Variants in HSPD1 observed in about 807,000 individuals in gnomAD.
HSPD1 encodes heat shock protein family D (Hsp60) member 1.
In HSPD1, 3 loss-of-function variants were observed where a neutral mutation model predicts 53.0. That is an observed-to-expected ratio of 0.06 (90% CI 0.03 to 0.15). The LOEUF is 0.15. Ranked by LOEUF, HSPD1 falls within the 10% of genes least tolerant of loss-of-function variation. The pLI is 1.00. For missense variants in HSPD1, 431 were observed against 694.1 expected, an observed-to-expected ratio of 0.62 and a Z score of 4.26; for synonymous variants, 200 against 228.0, an observed-to-expected ratio of 0.88 and a Z score of 1.10.
chr2:197,494,521 C>A, intron 5 of HSPD1, 136 bp downstream of exon 5: 1 of 670,232 alleles, frequency 1.5e-6, no homozygotes. Flanking sequence ...GCTGAGACTA[C>A]ATATGAAGGA....
chr2:197,493,537 C>T (rs1402356117), intron 6 of HSPD1, 45 bp from the exon 7 acceptor site: 2 of 1,388,852 alleles, frequency 1.4e-6, no homozygotes, highest in Middle Eastern at 1.8e-4. Context: ...AAAATGACTG[C>T]AATACATTTA....
chr2:197,492,177 T>A (rs1055143982), intron 7 of HSPD1, among the ~76,000 whole-genome samples: 3 of 151,968 alleles, frequency 2.0e-5, no homozygotes, highest in African/African-American at 7.3e-5. Flanking sequence ...TATTCGATGG[T>A]GAAATACACT....
In HSPD1 at chr2:197,488,025, T is replaced by C; in HGVS notation, c.1402A>G (p.Ile468Val). 6.2e-7 allele frequency: 1 copy of C among 1,602,112 alleles called. No individual in the cohort carries two copies. The highest frequency in any genetic ancestry group is 1.3e-5 in the African/African-American group (1 of 74,916). ...GCTGGAATTTTGAGTGTTCTTTTAATAATTTCTATACCTACAGAGAAATTT... is the reference window on the plus strand; with the variant it reads ...GCTGGAATTTTGAGTGTTCTTTTAACAATTTCTATACCTACAGAGAAATTT... ...NEDQKIGIEI[I>V]KRTLKIPAMT... The change falls in exon 11 of 12, where the codon ATT becomes GTT. Residue 468 changes from isoleucine (I) to valine (V), a missense_variant. Around this residue, in one of 2 missense-constraint regions of HSPD1, gnomAD observed 386 missense variants for 657.6 expected, o/e 0.59. Coordinates refer to ENST00000388968, the MANE Select transcript of HSPD1 (RefSeq NM_002156.5).
chr2:197,497,507 C>G, intron 2 of HSPD1, 115 bp from the exon 3 acceptor site: 1 of 1,063,378 alleles, frequency 9.4e-7, no homozygotes, highest in Admixed American at 1.8e-5. Flanking sequence ...TAAGTTGTGT[C>G]ATTTTTATCA....
chr2:197,496,611 G>A (rs567348188), intron 3 of HSPD1, among the ~76,000 whole-genome samples: 2 of 152,352 alleles, frequency 1.3e-5, no homozygotes, highest in Admixed American at 6.5e-5. Flanking sequence ...TGAACCTCAT[G>A]AGGAGGAGCA....
chr2:197,499,554 C>G (rs1326400047), intron 1 of HSPD1: 1 of 152,580 alleles, frequency 6.6e-6, no homozygotes, highest in Non-Finnish European at 1.5e-5. Context: ...AAATTCAAAC[C>G]CCACGAGTTG....
intron 8 of HSPD1, among the ~76,000 whole-genome samples, chr2:197,489,931 C>T (rs1402627218): frequency 6.6e-6 from 1 of 151,030 alleles, no homozygotes; most frequent in Non-Finnish European, 1.5e-5. Context: ...ATAGTCAAGA[C>T]AGATCAAGAC....
At chr2:197,490,342 C>T (rs111590867) in intron 7 of HSPD1, 46 bp from the exon 8 acceptor site, 1 of 1,415,736 alleles carries the variant, frequency 7.1e-7, no homozygotes, top group Non-Finnish European at 1.0e-6. Flanking sequence ...ATAAAAATGC[C>T]TATCTGTTTA....
At position 197,497,197 on chromosome 2, in the gene HSPD1, C is replaced by A; in HGVS notation, c.370G>T (p.Ala124Ser). The A allele has an allele frequency of 6.2e-7, 1 of 1,614,078 alleles. No homozygotes were observed. The highest frequency in any genetic ancestry group is 8.5e-7 in the Non-Finnish European group (1 of 1,179,918). The change falls in exon 3 of 12, where the codon GCC (alanine) becomes TCC (serine). Residue 124 changes from alanine to serine, a missense_variant. This residue lies in a region of HSPD1 where 386 missense variants were observed against 657.6 expected (regional missense o/e 0.59). Coordinates refer to ENST00000388968, the MANE Select transcript of HSPD1 (RefSeq NM_002156.5). ...TTATVLARSI[A>S]KEGFEKISKG... ...CTAATCTTCTCGAAGCCTTCCTTGG[C>A]TATAGAGCGTGCCAGTACAGTAGCA...
chr2:197,493,119 C>T (rs143495218), intron 7 of HSPD1, among the ~76,000 whole-genome samples: 1 of 151,962 alleles, frequency 6.6e-6, no homozygotes, highest in Non-Finnish European at 1.5e-5. Context: ...GAAAGCTGAT[C>T]AAAATAGTAA....
chr2:197,498,983 G>A (rs1186781331), intron 1 of HSPD1, 133 bp from the exon 2 acceptor site: 2 of 830,760 alleles, frequency 2.4e-6, no homozygotes, highest in Non-Finnish European at 4.1e-6. Flanking sequence ...CACTACGCCT[G>A]AATGACGGAA....
At chr2:197,493,173 A>G in intron 7 of HSPD1, 151 bp downstream of exon 7, 2 of 737,102 alleles carry the variant, frequency 2.7e-6, no homozygotes, top group South Asian at 3.0e-5. Context: ...AGGATACATT[A>G]GAGCACACCT....
chr2:197,498,974 A>G, intron 1 of HSPD1, 124 bp from the exon 2 acceptor site: 1 of 873,044 alleles, frequency 1.1e-6, no homozygotes, highest in Non-Finnish European at 1.9e-6. Context: ...TCCGCCAGCC[A>G]CTACGCCTGA....
chr2:197,488,548 C>A, intron 9 of HSPD1, 57 bp from the exon 10 acceptor site: 2 of 1,492,412 alleles, frequency 1.3e-6, no homozygotes, highest in Non-Finnish European at 9.4e-7. Context: ...TGCTAATTGC[C>A]AAGTCATTTA....
At chr2:197,500,080 C>A (rs1574606907), upstream of HSPD1, 5 of 322,292 alleles carry the variant, frequency 1.6e-5, no homozygotes, top group East Asian at 3.2e-4. Context: ...CCAGAACTTT[C>A]CAGAAAATGC....
At chr2:197,498,051 TG>T (rs1190114294) in intron 2 of HSPD1, among the ~76,000 whole-genome samples, 1 of 152,188 alleles carries the variant, frequency 6.6e-6, no homozygotes, top group Non-Finnish European at 1.5e-5. Context: ...AAATATGCTT[TG>T]GAACAAGAGA....
intron 6 of HSPD1, 50 bp from the exon 7 acceptor site, chr2:197,493,542 C>A: frequency 7.3e-7 from 1 of 1,364,614 alleles, no homozygotes; most frequent in Non-Finnish European, 1.0e-6. Flanking sequence ...GACTGCAATA[C>A]ATTTAAATGA....
At chr2:197,490,070 C>A in intron 8 of HSPD1, 127 bp downstream of exon 8, 2 of 767,712 alleles carry the variant, frequency 2.6e-6, no homozygotes, top group South Asian at 1.5e-5. Context: ...TTTAATCCAA[C>A]CCCTACCTTC....
At chr2:197,492,437 G>T (rs986730371) in intron 7 of HSPD1, among the ~76,000 whole-genome samples, 1 of 151,950 alleles carries the variant, frequency 6.6e-6, no homozygotes, top group Non-Finnish European at 1.5e-5. Flanking sequence ...TGATCCACCC[G>T]CCTGTGCCTC....
Sources: gnomAD v4.1 joint callset for allele counts (sites outside exome capture counted in the v4.1 genomes callset) on GRCh38, gnomAD v4.1.1 for gene constraint, gnomAD v4.1.1 regional missense constraint, MANE v1.5 for transcripts, NCBI Gene and HGNC (gene_info 2026-07-23, HGNC 2026-07-21) for gene names.